PARD6G: variants seen among roughly 807,000 people sequenced by gnomAD.
The protein encoded by PARD6G is partitioning defective 6 homolog gamma.
PARD6G carries 7 observed loss-of-function variants against 10.7 expected under a neutral mutation model. That is an observed-to-expected ratio of 0.66 (90% CI 0.37 to 1.23). The LOEUF (loss-of-function observed/expected upper bound fraction) is 1.23, where lower values mean the gene tolerates loss of function less well. Ranked by LOEUF, PARD6G falls within the 50% of genes most tolerant of loss-of-function variation. The pLI, the probability that PARD6G is intolerant of heterozygous loss-of-function variation, is 0.02. For missense variants in PARD6G, 548 were observed against 571.8 expected, an observed-to-expected ratio of 0.96 and a Z score of 0.42; for synonymous variants, 287 against 269.4, an observed-to-expected ratio of 1.07 and a Z score of -0.64.
intron 1 of PARD6G, among the ~76,000 whole-genome samples, chr18:80,223,985 G>A (rs969816373): frequency 2.8e-4 from 42 of 152,166 alleles, no homozygotes; most frequent in Non-Finnish European, 4.8e-4. Context: ...ACCCAACAGT[G>A]TTGGCTGGGT....
At chr18:80,174,674 G>A (rs561172930) in intron 2 of PARD6G, among the ~76,000 whole-genome samples, 1 of 152,264 alleles carries the variant, frequency 6.6e-6, no homozygotes, top group African/African-American at 2.4e-5. Context: ...TTCATTGTAG[G>A]CTGGGTGCGG....
intron 1 of PARD6G, among the ~76,000 whole-genome samples, chr18:80,236,171 T>A (rs372213222): frequency 6.6e-6 from 1 of 152,202 alleles, no homozygotes; most frequent in East Asian, 1.9e-4. Flanking sequence ...TTGGGCTTCA[T>A]CCCTGGGATG....
intron 2 of PARD6G, among the ~76,000 whole-genome samples, chr18:80,191,728 CA>C (rs1271929551): frequency 6.6e-6 from 1 of 152,198 alleles, no homozygotes; most frequent in Non-Finnish European, 1.5e-5. Context: ...GGACTTGGCC[CA>C]GCTGGGTTTT....
intron 1 of PARD6G, 21 bp from the exon 2 acceptor site, chr18:80,202,953 T>TGGGGG (rs768429502): frequency 1.4e-5 from 3 of 216,864 alleles, no homozygotes; most frequent in South Asian, 3.2e-5. Context: ...AGAGACGGGG[T>TGGGGG]GGGGGGAGGG....
intron 2 of PARD6G, among the ~76,000 whole-genome samples, chr18:80,177,174 CAT>C (rs2052815287): frequency 1.4e-5 from 2 of 140,384 alleles, no homozygotes; most frequent in East Asian, 2.2e-4. Context: ...GGGAAACACA[CAT>C]ACACACACAC....
At chr18:80,160,655 G>GAGCCTT in intron 2 of PARD6G, 49 bp from the exon 3 acceptor site, 1 of 1,428,080 alleles carries the variant, frequency 7.0e-7, no homozygotes, top group Non-Finnish European at 9.1e-7. Context: ...AGCCCCGCCT[G>GAGCCTT]AGCCCTCGGC....
In PARD6G at chr18:80,159,816, C is replaced by A. The variant is rs1419847675; in HGVS notation, c.1086G>T (p.Leu362=). 1 of 1,470,012 alleles carries A rather than the reference C, an allele frequency of 6.8e-7. No individual in the cohort carries two copies. Among genetic ancestry groups the A allele is most frequent in the Admixed American group, 2.8e-5 (1 of 35,568 alleles). 91.1% of individuals were successfully genotyped at this position (1,470,012 alleles called of 1,614,324 possible). A position where few individuals can be genotyped will look rare whatever the true frequency, so the allele number is the denominator to read the frequency against. ...CGTGCTCCTCCACGCCGCCTGGCGG[C>A]AGCGCCAGGCTGTGACGGGGGTCGG... is the stretch of plus-strand genomic sequence containing the variant. ...LRADPRHSLA[L]PPGGVEEHGP... is the part of the protein sequence containing the mutation. The change falls in exon 3 of 3, where the codon CTG becomes CTT. Residue 362 remains leucine, a synonymous_variant. Transcript: ENST00000353265.
chr18:80,230,104 G>A (rs975761924), intron 1 of PARD6G, among the ~76,000 whole-genome samples: 1 of 152,244 alleles, frequency 6.6e-6, no homozygotes, highest in African/African-American at 2.4e-5. Context: ...GGCAGGGGCT[G>A]AGACTCGCCT....
At chr18:80,212,876 C>A (rs1401164404) in intron 1 of PARD6G, among the ~76,000 whole-genome samples, 1 of 142,668 alleles carries the variant, frequency 7.0e-6, no homozygotes. Context: ...CAGAGCGAGA[C>A]CCCATCTCAA....
At chr18:80,176,484 C>G (rs4799140) in intron 2 of PARD6G, among the ~76,000 whole-genome samples, 24,675 of 152,126 alleles carry the variant, frequency 0.16, 2,672 homozygotes, top group East Asian at 0.44. Context: ...AGAACAAAGG[C>G]CCGAGAGCCA....
chr18:80,218,481 G>A (rs1442183296), intron 1 of PARD6G, among the ~76,000 whole-genome samples: 1 of 152,180 alleles, frequency 6.6e-6, no homozygotes, highest in Non-Finnish European at 1.5e-5. Flanking sequence ...AGGTCACACT[G>A]ATGCAAGAGG....
In PARD6G at chr18:80,159,465, T is replaced by C. The variant is rs2052679422; in HGVS notation, c.*306A>G. Reference sequence around the variant, plus strand: ...TTAAAGCTTCACTTTAAAAACAAAGTATTTGTAAAAATTTTAAAAAGCATT... The same window carrying C: ...TTAAAGCTTCACTTTAAAAACAAAGCATTTGTAAAAATTTTAAAAAGCATT... On this transcript the variant is annotated 3_prime_UTR_variant, in exon 3 of 3. Coordinates refer to ENST00000353265, the MANE Select transcript of PARD6G (RefSeq NM_032510.4). 3.3e-6 allele frequency: 1 copy of C among 299,100 alleles called. No individual in the cohort carries two copies. The highest frequency in any genetic ancestry group is 6.0e-6 in the Non-Finnish European group (1 of 165,384). 18.5% of individuals were successfully genotyped at this position (299,100 alleles called of 1,614,324 possible).
intron 2 of PARD6G, among the ~76,000 whole-genome samples, chr18:80,167,296 T>C (rs1185806486): frequency 1.9e-4 from 28 of 146,752 alleles, no homozygotes; most frequent in Admixed American, 1.9e-3. Context: ...ATGGGCAGTG[T>C]TGTGTGTGGA....
chr18:80,191,648 A>C (rs1276668055), intron 2 of PARD6G, among the ~76,000 whole-genome samples: 1 of 152,252 alleles, frequency 6.6e-6, no homozygotes, highest in Non-Finnish European at 1.5e-5. Context: ...TTGGTCTATA[A>C]GAAAACCAAG....
At chr18:80,244,594 T>C (rs1402849769) in intron 1 of PARD6G, among the ~76,000 whole-genome samples, 1 of 152,252 alleles carries the variant, frequency 6.6e-6, no homozygotes, top group Non-Finnish European at 1.5e-5. Context: ...TTGTATTCAA[T>C]GCATTTCATC....
intron 1 of PARD6G, among the ~76,000 whole-genome samples, chr18:80,211,396 G>A (rs530734981): frequency 1.2e-4 from 19 of 152,238 alleles, no homozygotes; most frequent in East Asian, 9.7e-4. Flanking sequence ...GGCTACTATC[G>A]AAAAAGCAAA....
chr18:80,167,404 G>T (rs2052744010), intron 2 of PARD6G, among the ~76,000 whole-genome samples: 1 of 152,192 alleles, frequency 6.6e-6, no homozygotes, highest in African/African-American at 2.4e-5. Flanking sequence ...TCTTCATGCA[G>T]CAGCTCACTC....
chr18:80,209,938 A>T (rs942841262), intron 1 of PARD6G, among the ~76,000 whole-genome samples: 4 of 152,194 alleles, frequency 2.6e-5, no homozygotes, highest in Admixed American at 1.3e-4. Flanking sequence ...CACCTATATC[A>T]TATCAATCTC....
At chr18:80,195,905 A>T (rs1489722470) in intron 2 of PARD6G, among the ~76,000 whole-genome samples, 7 of 139,406 alleles carry the variant, frequency 5.0e-5, no homozygotes, top group African/African-American at 1.0e-4. Context: ...TTTTTTTTTT[A>T]AAGTAAAAAA....
Sources: allele counts gnomAD v4.1 joint callset (sites outside exome capture counted in the v4.1 genomes callset), GRCh38; gene constraint gnomAD v4.1.1; transcripts MANE v1.5; gene names NCBI Gene and HGNC (gene_info 2026-07-23, HGNC 2026-07-21).